SETD1A: variants seen among roughly 807,000 people sequenced by gnomAD.
SETD1A encodes the protein histone-lysine N-methyltransferase SETD1A.
A neutral mutation model predicts 149.9 loss-of-function variants in SETD1A; 29 were observed. The observed-to-expected ratio is 0.19, with a 90% CI of 0.14 to 0.26. SETD1A has a LOEUF of 0.26. Ranked by LOEUF, SETD1A falls within the 10% of genes least tolerant of loss-of-function variation. SETD1A has a pLI of 1.00. For missense variants in SETD1A, 2,109 were observed against 2,353.1 expected (o/e 0.90, Z 2.15); for synonymous variants, 1,141 against 968.5 (o/e 1.18, Z -3.31).
intron 13 of SETD1A, among the ~76,000 whole-genome samples, chr16:30,978,062 TCAA>T (rs1293810394): frequency 9.2e-4 from 140 of 151,716 alleles, no homozygotes; most frequent in Admixed American, 2.0e-3. Flanking sequence ...GATCACGAGG[TCAA>T]GAGATCGAGA....
chr16:30,973,542 C>A (rs1035892925), intron 13 of SETD1A, among the ~76,000 whole-genome samples: 2 of 152,146 alleles, frequency 1.3e-5, no homozygotes, highest in African/African-American at 4.8e-5. Context: ...GTAGTCCCAG[C>A]TACTTGGGAG....
chr16:30,965,553 G>A, intron 7 of SETD1A, 48 bp from the exon 8 acceptor site: 3 of 1,599,566 alleles, frequency 1.9e-6, no homozygotes, highest in Non-Finnish European at 1.7e-6. Flanking sequence ...GAGAAAGTAG[G>A]GCTTGGGTCA....
chr16:30,957,996 AGGT>A, intron 1 of SETD1A, 32 bp downstream of exon 1: 1 of 151,012 alleles, frequency 6.6e-6, no homozygotes, highest in South Asian at 2.0e-4. Flanking sequence ...CGCGCCGGGG[AGGT>A]GGTGGTGGGG....
intron 13 of SETD1A, among the ~76,000 whole-genome samples, chr16:30,972,997 G>A (rs1460406955): frequency 6.6e-6 from 1 of 152,194 alleles, no homozygotes; most frequent in Non-Finnish European, 1.5e-5. Context: ...GCTGAAGTCT[G>A]GGCAAAGCAG....
intron 13 of SETD1A, among the ~76,000 whole-genome samples, chr16:30,976,720 G>A (rs902945512): frequency 3.3e-5 from 5 of 152,130 alleles, no homozygotes; most frequent in African/African-American, 1.2e-4. Flanking sequence ...GTGGCTGCTT[G>A]AGGGGAGCTG....
In SETD1A at chr16:30,966,001, C is replaced by A. The variant is rs745654019; in HGVS notation, c.2120C>A (p.Pro707His). The A allele has an allele frequency of 2.5e-6, 4 of 1,574,420 alleles. No individual in the cohort carries two copies. The highest frequency in any genetic ancestry group is 2.6e-6 in the Non-Finnish European group (3 of 1,160,250). ...TTGATTGCCGCCTCAGCTGGCCCCC[C>A]CGGTGGGGCCTTTGGGGAGGCCTTC... ...KGLIAASAGPPGGAFGEAFLP... is the reference protein window; with the variant it reads ...KGLIAASAGPHGGAFGEAFLP... Residue 707 changes from proline to histidine, a missense_variant, in exon 8 of 19, where the codon CCC becomes CAC. Pro to His is a moderately conservative substitution (Grantham distance 77). Transcript: ENST00000262519.
In SETD1A at chr16:30,965,560, G is replaced by T. The variant is rs764766681; in HGVS notation, c.1720-41G>T. ...AACCAGATGAGAAAGTAGGGCTTGGGTCAGGCAGAAGCCTTCTGTGACCCT... is the reference window on the plus strand; with the variant it reads ...AACCAGATGAGAAAGTAGGGCTTGGTTCAGGCAGAAGCCTTCTGTGACCCT... On this transcript the variant is annotated intron_variant, in intron 7 of 18. Transcript: ENST00000262519. The T allele has an allele frequency of 5.0e-6, 8 of 1,602,580 alleles. No individual in the cohort carries two copies. In the Admixed American group the frequency reaches 1.4e-4, roughly 27 times the overall value.
intron 12 of SETD1A, among the ~76,000 whole-genome samples, chr16:30,971,156 C>A (rs1445563700): frequency 6.6e-6 from 1 of 152,202 alleles, no homozygotes; most frequent in South Asian, 2.1e-4. Context: ...CTTTCCTTTT[C>A]GGGCCTCTTC....
At chr16:30,978,690 T>C (rs1231986783) in intron 13 of SETD1A, among the ~76,000 whole-genome samples, 2 of 152,240 alleles carry the variant, frequency 1.3e-5, no homozygotes, top group East Asian at 3.8e-4. Context: ...CTGAGAATAT[T>C]GTTTATGATG....
chr16:30,959,506 G>A (rs778122785), intron 3 of SETD1A, among the ~76,000 whole-genome samples: 10 of 152,150 alleles, frequency 6.6e-5, no homozygotes, highest in Non-Finnish European at 1.3e-4. Context: ...GGATCTCCCA[G>A]TTCCTTGACA....
rs991918019 is a variant in SETD1A, at chr16:30,962,186, T to G, written c.517+649T>G. ...TTCAAGTGATTCTTCTGCCTCAGCC[T>G]CTTGAGTAGCTAGGATTACATTTAT... On this transcript the variant is annotated intron_variant, in intron 4 of 18. Coordinates refer to ENST00000262519, the MANE Select transcript of SETD1A (RefSeq NM_014712.3). 3.3e-5 allele frequency among the ~76,000 whole-genome samples: 5 copies of G among 152,030 alleles called. No individual in the cohort carries two copies. The East Asian group carries it at 7.7e-4, about 24-fold the overall frequency.
chr16:30,979,151 C>A lies in SETD1A; in HGVS notation c.3365C>A (p.Thr1122Lys). Residue 1122 changes from threonine to lysine, a missense_variant, in exon 14 of 19, where the codon ACG (threonine) becomes AAG (lysine). Physicochemically the swap from Thr to Lys is moderately conservative, Grantham distance 78 (BLOSUM62 -1). This residue lies in a region of SETD1A where 832 missense variants were observed against 815.6 expected (regional missense o/e 1.02). Transcript: ENST00000262519. ...EASPARPAGPTEESPPSAPLR... is the reference protein window; with the variant it reads ...EASPARPAGPKEESPPSAPLR... ...CTATGTGCTTCCTTCCCAGGCCCCA[C>A]GGAGGAGTCACCCCCCAGTGCGCCT... 1 of 1,564,236 alleles carries A rather than the reference C, an allele frequency of 6.4e-7. No homozygotes were observed. The highest frequency in any genetic ancestry group is 8.7e-7 in the Non-Finnish European group (1 of 1,155,238).
Position 30,980,408 on chromosome 16 carries a change from G to T in SETD1A, c.4409-77G>T. On this transcript the variant is annotated intron_variant, in intron 14 of 18. Transcript: ENST00000262519. This position sits in a 1 kb window ranked among gnomAD's most constrained non-coding sequence, Gnocchi z 7.7. The stretch of plus-strand genomic sequence containing the variant: ...GTCCCTCACCTGGGTATGCTCAGCG[G>T]CGTGGGCCCCGCCCTCTCCTTTGGC... 2.0e-6 allele frequency: 3 copies of T among 1,532,262 alleles called. No individual in the cohort carries two copies. Among genetic ancestry groups the T allele is most frequent in the Non-Finnish European group, 2.6e-6 (3 of 1,133,152 alleles). The allele number at this position is 1,532,262 out of a possible 1,614,324, so 94.9% of individuals were successfully genotyped here. A position where few individuals can be genotyped will look rare whatever the true frequency, so the allele number is the denominator to read the frequency against.
chr16:30,980,343 C>T lies in SETD1A; in HGVS notation c.4409-142C>T, dbSNP rs2056355815. The T allele has an allele frequency of 6.9e-7, 1 of 1,441,264 alleles. No homozygotes were observed. Among genetic ancestry groups the T allele is most frequent in the Non-Finnish European group, 9.3e-7 (1 of 1,072,954 alleles). The allele number at this position is 1,441,264 out of a possible 1,614,324, so 89.3% of individuals were successfully genotyped here. ...GGTGCCTCTTTTCTGCCTTCCAAAG[C>T]ATTTCTGGCAGGAACGATGGGGCTG... is the stretch of plus-strand genomic sequence containing the variant. On this transcript the variant is annotated intron_variant, in intron 14 of 18. Transcript: ENST00000262519. This position sits in a 1 kb window ranked among gnomAD's most constrained non-coding sequence, Gnocchi z 7.7.
Position 30,980,387 on chromosome 16 carries a change from C to A in SETD1A, c.4409-98C>A. The A allele has an allele frequency of 6.7e-7, 1 of 1,492,708 alleles. No individual in the cohort carries two copies. 92.5% of individuals were successfully genotyped at this position (1,492,708 alleles called of 1,614,324 possible). A position where few individuals can be genotyped will look rare whatever the true frequency, so the allele number is the denominator to read the frequency against. On this transcript the variant is annotated intron_variant, in intron 14 of 18. Transcript: ENST00000262519. The surrounding 1 kb of genome is among the most constrained non-coding windows in gnomAD (Gnocchi z 7.7). Reference sequence around the variant, plus strand: ...GGGGCTGGGGCTTCCTCCCCTGTCCCTCACCTGGGTATGCTCAGCGGCGTG... The same window carrying A: ...GGGGCTGGGGCTTCCTCCCCTGTCCATCACCTGGGTATGCTCAGCGGCGTG...
chr16:30,964,162 T>C lies in SETD1A; in HGVS notation c.708T>C (p.Thr236=). The part of the protein sequence containing the change: ...AYPAGTTAVG[T]PGNGTPCSQD... The stretch of plus-strand genomic sequence containing the variant: ...CAGCAGGCACCACTGCGGTGGGCAC[T>C]CCTGGCAACGGCACCCCCTGCTCCC... The change falls in exon 6 of 19, where the codon ACT becomes ACC. Residue 236 remains threonine, a synonymous_variant. Transcript: ENST00000262519. 1.9e-6 allele frequency: 3 copies of C among 1,613,974 alleles called. No individual in the cohort carries two copies. In the South Asian group the frequency reaches 3.3e-5, roughly 18 times the overall value.
chr16:30,968,996 TACTC>T (rs1022798697), intron 10 of SETD1A, among the ~76,000 whole-genome samples: 2 of 151,778 alleles, frequency 1.3e-5, no homozygotes, highest in Non-Finnish European at 2.9e-5. Context: ...TAGTCCCAGT[TACTC>T]AGGAGACCGA....
At position 30,979,994 on chromosome 16, in the gene SETD1A, C is replaced by CGA; in HGVS notation, c.4208_4209insGA (p.Pro1404IlefsTer22). The CGA allele has an allele frequency of 2.7e-6, 4 of 1,487,012 alleles. No homozygotes were observed. The highest frequency in any genetic ancestry group is 3.6e-6 in the Non-Finnish European group (4 of 1,121,872). 92.1% of individuals were successfully genotyped at this position (1,487,012 alleles called of 1,614,324 possible). The stretch of plus-strand genomic sequence containing the variant: ...CGCTCCCACGCCCGGCGCCGCCGCC[C>CGA]TCCGCCCCCACCCCCGCCGCCACCG... On this transcript the variant is annotated frameshift_variant, in exon 14 of 19. Transcript: ENST00000262519. LOFTEE classifies it high-confidence loss of function.
rs1241212121 is a variant in SETD1A, at chr16:30,958,836, T to C, written c.105T>C (p.Pro35=). The part of the protein sequence containing the change: ...DPALDPALRR[P]SQKVYRYDGV... ...CCTTGGACCCTGCCCTGCGCAGGCC[T>C]TCTCAGAAGGTGTACCGCTATGATG... is the stretch of plus-strand genomic sequence containing the variant. The change falls in exon 2 of 19, where the codon CCT becomes CCC. Residue 35 remains proline, a synonymous_variant. Transcript: ENST00000262519. 3 of 1,614,202 alleles carry C rather than the reference T, an allele frequency of 1.9e-6. No homozygotes were observed. The highest frequency in any genetic ancestry group is 2.5e-6 in the Non-Finnish European group (3 of 1,180,012).
Sources: allele counts gnomAD v4.1 joint callset (sites outside exome capture counted in the v4.1 genomes callset), GRCh38; gene constraint gnomAD v4.1.1; regional missense constraint gnomAD v4.1.1; non-coding constraint Gnocchi (gnomAD v3.1); transcripts MANE v1.5; gene names NCBI Gene and HGNC (gene_info 2026-07-23, HGNC 2026-07-21).